Variants in UGT2B28 observed in about 807,000 individuals in gnomAD.
UGT2B28 encodes UDP glucuronosyltransferase family 2 member B28, also known as UDP-glucuronosyltransferase 2B28.
Under a neutral mutation model 43.6 loss-of-function variants are expected in UGT2B28, and 45 were observed. That is an observed-to-expected ratio of 1.03 (90% CI 0.81 to 1.32). UGT2B28 has a LOEUF of 1.32. UGT2B28 is among the 40% of genes most tolerant of loss of function. The pLI is 0.00. For synonymous variants in UGT2B28, 204 were observed against 208.1 expected (o/e 0.98, Z 0.17); for missense variants, 649 against 625.5 (o/e 1.04, Z -0.40).
Position 69,294,945 on chromosome 4 carries a change from T to C in UGT2B28, c.*136T>C. 1 of 1,227,610 alleles carries C rather than the reference T, an allele frequency of 8.1e-7. No homozygotes were observed. 76.0% of individuals were successfully genotyped at this position (1,227,610 alleles called of 1,614,324 possible). A position where few individuals can be genotyped will look rare whatever the true frequency, so the allele number is the denominator to read the frequency against. On this transcript the variant is annotated 3_prime_UTR_variant, in exon 6 of 6. Coordinates refer to ENST00000335568, the MANE Select transcript of UGT2B28 (RefSeq NM_053039.2). The stretch of plus-strand genomic sequence containing the variant: ...AAAAAACTTTTCAAAATCTACCTTG[T>C]CAAGTAAAAATTTGTTTTTCAGAGA...
chr4:69,283,412 G>A lies in UGT2B28; in HGVS notation c.870+750G>A, dbSNP rs543550603. 1.1e-3 allele frequency among the ~76,000 whole-genome samples: 156 copies of A among 139,818 alleles called. 24 individuals are homozygous for A. The highest frequency in any genetic ancestry group is 2.0e-3 in the Non-Finnish European group (134 of 65,436). 91.7% of individuals were successfully genotyped at this position (139,818 alleles called of 152,430 possible). ...GTTAAGAAATAAATATATATGAAACGATTCTCTTTTTTAAGAAGAGCCTCC... is the reference window on the plus strand; with the variant it reads ...GTTAAGAAATAAATATATATGAAACAATTCTCTTTTTTAAGAAGAGCCTCC... On this transcript the variant is annotated intron_variant, in intron 2 of 5. Coordinates refer to ENST00000335568, the MANE Select transcript of UGT2B28 (RefSeq NM_053039.2).
chr4:69,294,140 A>T (rs1038070381), intron 5 of UGT2B28, among the ~76,000 whole-genome samples: 2 of 140,454 alleles, frequency 1.4e-5, no homozygotes, highest in Non-Finnish European at 3.0e-5. Context: ...TGCTTAAAGG[A>T]TGAATATCCT....
chr4:69,283,121 G>C (rs1176970261), intron 2 of UGT2B28, among the ~76,000 whole-genome samples: 1 of 140,006 alleles, frequency 7.1e-6, no homozygotes, highest in Non-Finnish European at 1.5e-5. Flanking sequence ...TATCAAGAAA[G>C]CATCAGTGGA....
At position 69,294,826 on chromosome 4, in the gene UGT2B28, A is replaced by T; in HGVS notation, c.*17A>T. 2 of 1,533,258 alleles carry T rather than the reference A, an allele frequency of 1.3e-6. No individual in the cohort carries two copies. Among genetic ancestry groups the T allele is most frequent in the Non-Finnish European group, 1.7e-6 (2 of 1,143,376 alleles). The allele number at this position is 1,533,258 out of a possible 1,614,324, so 95.0% of individuals were successfully genotyped here. ...AGAGATTAGTTATGTCTGACATTTG[A>T]AGCTGGAAAACCAGATAGATGGGTT... On this transcript the variant is annotated 3_prime_UTR_variant, in exon 6 of 6. Coordinates refer to ENST00000335568, the MANE Select transcript of UGT2B28 (RefSeq NM_053039.2).
rs561821275 is a variant in UGT2B28 at position 69,283,740 on chromosome 4, C to G, written c.870+1078C>G. On this transcript the variant is annotated intron_variant, in intron 2 of 5. Coordinates refer to ENST00000335568, the MANE Select transcript of UGT2B28 (RefSeq NM_053039.2). ...AATACTACTAACTACTTAACATGTG[C>G]AAGTCACTTGAGATATCATTCCTCA... Among the ~76,000 whole-genome samples, 57 of 140,440 alleles carry G rather than the reference C, an allele frequency of 4.1e-4. 8 individuals carry two copies. The highest frequency in any genetic ancestry group is 7.0e-4 in the Non-Finnish European group (46 of 65,618). 92.1% of individuals were successfully genotyped at this position (140,440 alleles called of 152,430 possible). A position where few individuals can be genotyped will look rare whatever the true frequency, so the allele number is the denominator to read the frequency against.
chr4:69,293,088 G>C (rs1334395324), intron 5 of UGT2B28, among the ~76,000 whole-genome samples: 1 of 140,252 alleles, frequency 7.1e-6, no homozygotes, highest in Non-Finnish European at 1.5e-5. Context: ...CATAATCTGT[G>C]GTTTATCAAT....
intron 5 of UGT2B28, 27 bp downstream of exon 5, chr4:69,290,838 G>A: frequency 6.5e-7 from 1 of 1,545,280 alleles, no homozygotes. Context: ...TTTTCACTAG[G>A]TGGTATTTGT....
At chr4:69,294,466 G>A in intron 5 of UGT2B28, 64 bp from the exon 6 acceptor site, 2 of 1,373,582 alleles carry the variant, frequency 1.5e-6, no homozygotes, top group Non-Finnish European at 9.5e-7. Flanking sequence ...GCCTTTCATA[G>A]ACTTGATACA....
Position 69,281,409 on chromosome 4 carries a change from C to T in UGT2B28, c.721+188C>T, listed in dbSNP as rs1417650111. On this transcript the variant is annotated intron_variant, in intron 1 of 5. Transcript: ENST00000335568. ...GCTTAAATTATAAGGTCTGTTAAAA[C>T]CCTGTGGCCATCACTCATACAGAAC... 2.9e-5 allele frequency among the ~76,000 whole-genome samples: 4 copies of T among 140,194 alleles called. 1 individual carries two copies. In the Admixed American group the frequency reaches 2.9e-4, roughly 10 times the overall value. 92.0% of individuals were successfully genotyped at this position (140,194 alleles called of 152,430 possible). A position where few individuals can be genotyped will look rare whatever the true frequency, so the allele number is the denominator to read the frequency against.
intron 2 of UGT2B28, among the ~76,000 whole-genome samples, chr4:69,286,204 A>G (rs1428574994): frequency 7.1e-6 from 1 of 141,580 alleles, no homozygotes; most frequent in Admixed American, 7.1e-5. Flanking sequence ...TAAGTGAAGC[A>G]TAAAGCATTG....
rs201206692 is a variant in UGT2B28, at chr4:69,289,759, C to A, written c.1090+7C>A. On this transcript the variant is annotated splice_region_variant and intron_variant, in intron 4 of 5. Transcript: ENST00000335568. ...CCCCAGAATGACCTTCTAGGTAACA[C>A]TCTGGTGAACAAATACTGGATATAT... 1 of 1,534,874 alleles carries A rather than the reference C, an allele frequency of 6.5e-7. No individual in the cohort carries two copies. The highest frequency in any genetic ancestry group is 2.3e-5 in the East Asian group (1 of 43,090).
chr4:69,292,558 T>A (rs1297689987), intron 5 of UGT2B28, among the ~76,000 whole-genome samples: 1 of 140,640 alleles, frequency 7.1e-6, no homozygotes, highest in Admixed American at 7.1e-5. Flanking sequence ...GAGCAAATAA[T>A]GAGTAAGGAC....
At chr4:69,285,384 A>G (rs560163958) in intron 2 of UGT2B28, among the ~76,000 whole-genome samples, 1 of 140,252 alleles carries the variant, frequency 7.1e-6, no homozygotes, top group Non-Finnish European at 1.5e-5. Flanking sequence ...CAACCCGTCA[A>G]TATCAGTGAT....
intron 2 of UGT2B28, among the ~76,000 whole-genome samples, chr4:69,283,236 C>G (rs1723673751): frequency 7.2e-6 from 1 of 138,250 alleles, no homozygotes; most frequent in African/African-American, 2.8e-5. Flanking sequence ...AAAGGGAAAG[C>G]AGATAAAGTG....
chr4:69,282,377 A>C (rs1358916841), intron 1 of UGT2B28, 137 bp from the exon 2 acceptor site: 22 of 774,022 alleles, frequency 2.8e-5, no homozygotes, highest in Non-Finnish European at 3.2e-5. Context: ...ATTCATATAC[A>C]TGAATATATG....
rs1409094958 is a variant in UGT2B28 at position 69,281,002 on chromosome 4, T to C, written c.502T>C (p.Phe168Leu). The C allele has an allele frequency of 3.8e-6, 6 of 1,560,064 alleles. 1 individual carries two copies. In the Admixed American group the frequency reaches 7.1e-5, roughly 18 times the overall value. Reference sequence around the variant, plus strand: ...GCTGGCTGCGCTACTTAACATACCGTTTGTGTACAGTCTCTGCTTCACTCC... The same window carrying C: ...GCTGGCTGCGCTACTTAACATACCGCTTGTGTACAGTCTCTGCTTCACTCC... ...ELLAALLNIP[F>L]VYSLCFTPGY... The change falls in exon 1 of 6, where the codon TTT becomes CTT. Residue 168 changes from phenylalanine to leucine, a missense_variant. Transcript: ENST00000335568.
At chr4:69,282,043 A>C (rs1723627803) in intron 1 of UGT2B28, among the ~76,000 whole-genome samples, 1 of 140,132 alleles carries the variant, frequency 7.1e-6, no homozygotes, top group Non-Finnish European at 1.5e-5. Context: ...CCATACTCTC[A>C]AAATAGTCCG....
In UGT2B28 at chr4:69,293,637, A is replaced by G. The variant is rs1428763731; in HGVS notation, c.1311-893A>G. On this transcript the variant is annotated intron_variant, in intron 5 of 5. Coordinates refer to ENST00000335568, the MANE Select transcript of UGT2B28 (RefSeq NM_053039.2). The stretch of plus-strand genomic sequence containing the variant: ...CAAGAAAGAGTACTCCAAGAGCAGG[A>G]GAGAAGGAACAAAATGTGTAAAGTG... 9.3e-5 allele frequency among the ~76,000 whole-genome samples: 13 copies of G among 139,686 alleles called. No homozygotes were observed. In the South Asian group the frequency reaches 1.4e-3, roughly 16 times the overall value. 91.6% of individuals were successfully genotyped at this position (139,686 alleles called of 152,430 possible).
In UGT2B28 at chr4:69,293,304, G is replaced by A. The variant is rs1577998295; in HGVS notation, c.1311-1226G>A. ...GAGTTATTCTAGGCAGATTGTGATA[G>A]CCTATACCACGACCTGAACAGTAGG... On this transcript the variant is annotated intron_variant, in intron 5 of 5. Transcript: ENST00000335568. Among the ~76,000 whole-genome samples, 3 of 140,624 alleles carry A rather than the reference G, an allele frequency of 2.1e-5. 1 individual carries two copies. The South Asian group carries it at 7.1e-4, about 33-fold the overall frequency. The allele number at this position is 140,624 out of a possible 152,430, so 92.3% of individuals were successfully genotyped here.
Sources: gnomAD v4.1 joint callset for allele counts (sites outside exome capture counted in the v4.1 genomes callset) on GRCh38, gnomAD v4.1.1 for gene constraint, MANE v1.5 for transcripts, NCBI Gene and HGNC (gene_info 2026-07-23, HGNC 2026-07-21) for gene names.